The following MICALL2 variants were observed in gnomAD, a reference collection of about 807,000 sequenced individuals.
MICALL2 encodes MICAL-like protein 2.
In MICALL2, 111 loss-of-function variants were observed where a neutral mutation model predicts 91.1. The ratio of observed to expected loss-of-function variants is 1.22; its 90% CI spans 1.04 to 1.43. The LOEUF (loss-of-function observed/expected upper bound fraction) is 1.43. MICALL2 is among the 40% of genes most tolerant of loss of function. MICALL2 has a pLI of 0.00. For missense variants in MICALL2, 1,556 were observed against 1,236.0 expected (o/e 1.26, Z -3.88); for synonymous variants, 694 against 525.3 (o/e 1.32, Z -4.39).
At chr7:1,459,044 G>C in intron 1 of MICALL2, 140 bp downstream of exon 1, 1 of 836,418 alleles carries the variant, frequency 1.2e-6, no homozygotes, top group Non-Finnish European at 1.8e-6. Flanking sequence ...GACAGCCTCG[G>C]GGGGCTGCAC....
chr7:1,437,082 A>C, intron 14 of MICALL2: 1 of 486,788 alleles, frequency 2.1e-6, no homozygotes, highest in Non-Finnish European at 3.6e-6. Context: ...CAGAAACACC[A>C]CTCGCTGCAG....
intron 7 of MICALL2, 148 bp downstream of exon 7, chr7:1,442,044 C>A: frequency 2.2e-6 from 2 of 913,470 alleles, no homozygotes; most frequent in Non-Finnish European, 3.4e-6. Context: ...CAGGAGGCTG[C>A]GAGCAGGTGT....
At chr7:1,446,924 T>C (rs1780624055) in intron 4 of MICALL2, 96 bp from the exon 5 acceptor site, 2 of 875,620 alleles carry the variant, frequency 2.3e-6, no homozygotes, top group East Asian at 5.5e-5. Flanking sequence ...ATCTTACAGA[T>C]GGAGAACTGG....
At chr7:1,440,495 C>T in intron 8 of MICALL2, 96 bp downstream of exon 8, 1 of 1,113,076 alleles carries the variant, frequency 9.0e-7, no homozygotes, top group Non-Finnish European at 1.3e-6. Context: ...GCGTCTATCC[C>T]TGGATAGGCG....
intron 1 of MICALL2, among the ~76,000 whole-genome samples, chr7:1,455,704 C>T (rs1218106967): frequency 1.3e-5 from 2 of 151,926 alleles, no homozygotes; most frequent in African/African-American, 2.4e-5. Context: ...GCCTGGCGCC[C>T]GAGCTGGTTC....
chr7:1,448,762 C>T lies in MICALL2; in HGVS notation c.193-1G>A. On this transcript the variant is annotated splice_acceptor_variant, in intron 2 of 16. Coordinates refer to ENST00000297508, the MANE Select transcript of MICALL2 (RefSeq NM_182924.4). LOFTEE classifies it high-confidence loss of function. ...AGTGCTCCTCGGCCACGCGGAAGGC[C>T]TGCGAAAGGTGGGAGGGGGTCAGCG... 1 of 1,612,488 alleles carries T rather than the reference C, an allele frequency of 6.2e-7. No individual in the cohort carries two copies. The highest frequency in any genetic ancestry group is 8.5e-7 in the Non-Finnish European group (1 of 1,179,848).
intron 6 of MICALL2, 66 bp downstream of exon 6, chr7:1,444,586 C>A (rs1318097951): frequency 2.0e-6 from 3 of 1,502,064 alleles, no homozygotes; most frequent in Admixed American, 2.0e-5. Context: ...CCCCTCTGGC[C>A]TCCGGGGCCC....
chr7:1,448,845 C>T, intron 2 of MICALL2, 84 bp from the exon 3 acceptor site: 3 of 1,545,570 alleles, frequency 1.9e-6, no homozygotes, highest in South Asian at 1.1e-5. Flanking sequence ...GACTCAAAGA[C>T]ACAGTCTTGG....
chr7:1,438,913 C>T lies in MICALL2; in HGVS notation c.2049G>A (p.Glu683=). 1.2e-6 allele frequency: 2 copies of T among 1,609,384 alleles called. No homozygotes were observed. Among genetic ancestry groups the T allele is most frequent in the Non-Finnish European group, 1.7e-6 (2 of 1,179,588 alleles). Residue 683 remains glutamate, a synonymous_variant, in exon 10 of 17, where the codon GAG becomes GAA. Transcript: ENST00000297508. The part of the protein sequence containing the change: ...LDVCDNWLRP[E]PPGQEARVQS... ...GCACTCGGGCTTCCTGGCCAGGGGG[C>T]TCCGGCCGAAGCCAGTTGTCACAAA...
chr7:1,435,211 CG>C, intron 15 of MICALL2, 64 bp from the exon 16 acceptor site: 1 of 1,558,862 alleles, frequency 6.4e-7, no homozygotes, highest in Non-Finnish European at 8.8e-7. Flanking sequence ...GAGGGGCCTC[CG>C]GACAGTCTCC....
In MICALL2 at chr7:1,440,113, C is replaced by T. The variant is rs368637404; in HGVS notation, c.1806-28G>A. The T allele has an allele frequency of 1.9e-5, 30 of 1,567,150 alleles. No homozygotes were observed. The East Asian group carries it at 2.1e-4, about 11-fold the overall frequency. On this transcript the variant is annotated intron_variant, in intron 8 of 16. Coordinates refer to ENST00000297508, the MANE Select transcript of MICALL2 (RefSeq NM_182924.4). ...GGGCAGAAGGCATGAGGTCGGAACC[C>T]GAACCACCAGCCCCAGGGCCTGGCC...
Position 1,437,877 on chromosome 7 carries a change from G to C in MICALL2, c.2402+13C>G, listed in dbSNP as rs376437338. 2.3e-5 allele frequency: 35 copies of C among 1,547,726 alleles called. No individual in the cohort carries two copies. In the African/African-American group the frequency reaches 3.8e-4, roughly 17 times the overall value. On this transcript the variant is annotated intron_variant, in intron 13 of 16. Coordinates refer to ENST00000297508, the MANE Select transcript of MICALL2 (RefSeq NM_182924.4). The stretch of plus-strand genomic sequence containing the variant: ...CCTGGCCTTCGAGGAGGGGCCCACG[G>C]CTGGGCTCTCACTTGTACATCAGCT...
intron 8 of MICALL2, 105 bp from the exon 9 acceptor site, chr7:1,440,190 G>A (rs771147634): frequency 1.4e-6 from 2 of 1,408,242 alleles, no homozygotes; most frequent in Admixed American, 2.5e-5. Flanking sequence ...GGAGCAGGTG[G>A]CCTTCTGAGC....
rs1458466768 is a variant in MICALL2 at position 1,438,172 on chromosome 7, C to T, written c.2236G>A (p.Asp746Asn). 1.9e-6 allele frequency: 3 copies of T among 1,569,226 alleles called. No individual in the cohort carries two copies. Among genetic ancestry groups the T allele is most frequent in the East Asian group, 4.7e-5 (2 of 42,658 alleles). The change falls in exon 12 of 17, where the codon GAC (aspartate) becomes AAC (asparagine). Residue 746 changes from aspartate to asparagine, a missense_variant. Transcript: ENST00000297508. ...SPEEIQRQLQ[D>N]IERRLDALEL... ...AGGGCGTCCAGCCGCCTCTCGATGTCCTGCAGCTGCCTCTGTATCTCCTCC... is the reference window on the plus strand; with the variant it reads ...AGGGCGTCCAGCCGCCTCTCGATGTTCTGCAGCTGCCTCTGTATCTCCTCC...
At chr7:1,441,413 C>T (rs923613416) in intron 7 of MICALL2, 4 of 153,560 alleles carry the variant, frequency 2.6e-5, no homozygotes, top group African/African-American at 9.6e-5. Context: ...CACGTCCTGC[C>T]CAGCCTGGCC....
chr7:1,448,772 T>C lies in MICALL2; in HGVS notation c.193-11A>G, dbSNP rs1446939762. ...GGCCACGCGGAAGGCCTGCGAAAGG[T>C]GGGAGGGGGTCAGCGGGGCAGCTGG... On this transcript the variant is annotated splice_polypyrimidine_tract_variant and intron_variant, in intron 2 of 16. Transcript: ENST00000297508. 1 of 1,611,790 alleles carries C rather than the reference T, an allele frequency of 6.2e-7. No homozygotes were observed. Among genetic ancestry groups the C allele is most frequent in the African/African-American group, 1.3e-5 (1 of 74,856 alleles).
At position 1,442,368 on chromosome 7, in the gene MICALL2, G is replaced by A. The variant is rs543273285; in HGVS notation, c.1535C>T (p.Ser512Leu). ...SSSPRVLGLP[S>L]RMEPPAPLST... ...CAGCGGGGCTGGCGGTTCCATCCTCGAAGGGAGGCCAAGCACCCGGGGAGA... is the reference window on the plus strand; with the variant it reads ...CAGCGGGGCTGGCGGTTCCATCCTCAAAGGGAGGCCAAGCACCCGGGGAGA... The change falls in exon 7 of 17, where the codon TCG (serine) becomes TTG (leucine). Residue 512 changes from serine (S) to leucine (L), a missense_variant. By Grantham distance (145) the Ser-to-Leu change is moderately radical. Coordinates refer to ENST00000297508, the MANE Select transcript of MICALL2 (RefSeq NM_182924.4). 13 of 1,611,690 alleles carry A rather than the reference G, an allele frequency of 8.1e-6. No homozygotes were observed. Among genetic ancestry groups the A allele is most frequent in the Middle Eastern group, 1.6e-4 (1 of 6,078 alleles).
intron 2 of MICALL2, 32 bp from the exon 3 acceptor site, chr7:1,448,793 G>A (rs779843909): frequency 3.1e-6 from 5 of 1,609,046 alleles, no homozygotes; most frequent in Non-Finnish European, 3.4e-6. Flanking sequence ...CAGCGGGGCA[G>A]CTGGGAGCCC....
In MICALL2 at chr7:1,444,272, G is replaced by A. The variant is rs547835522; in HGVS notation, c.1418+380C>T. ...TGGGTCCCGCTCGCGGCCTGTCCCC[G>A]CGTCCACTCAGACCCGCCAGCGTGG... On this transcript the variant is annotated intron_variant, in intron 6 of 16. Transcript: ENST00000297508. Among the ~76,000 whole-genome samples, 5 of 149,978 alleles carry A rather than the reference G, an allele frequency of 3.3e-5. No homozygotes were observed. In the South Asian group the frequency reaches 6.4e-4, roughly 19 times the overall value.
Sources: allele counts gnomAD v4.1 joint callset (sites outside exome capture counted in the v4.1 genomes callset), GRCh38; gene constraint gnomAD v4.1.1; transcripts MANE v1.5; gene names NCBI Gene and HGNC (gene_info 2026-07-23, HGNC 2026-07-21).